DDX21: variants seen among roughly 807,000 people sequenced by gnomAD.
DDX21 encodes DExD-box helicase 21.
In DDX21, 18 loss-of-function variants were observed where a neutral mutation model predicts 90.0. The observed-to-expected ratio is 0.20, with a 90% CI of 0.14 to 0.30. DDX21 has a LOEUF of 0.30. DDX21 is among the 10% of genes least tolerant of loss of function. The pLI is 1.00. For missense variants in DDX21, 673 were observed against 944.5 expected (o/e 0.71, Z 3.77); for synonymous variants, 294 against 318.0 (o/e 0.92, Z 0.80).
chr10:68,961,523 G>GT (rs1310329283), intron 2 of DDX21, among the ~76,000 whole-genome samples: 1 of 152,100 alleles, frequency 6.6e-6, no homozygotes, highest in Non-Finnish European at 1.5e-5. Flanking sequence ...GTGCAATCTT[G>GT]TATCTTTTTT....
At chr10:68,972,138 T>A (rs1281296361) in intron 9 of DDX21, 86 bp downstream of exon 9, 1 of 1,453,980 alleles carries the variant, frequency 6.9e-7, no homozygotes, top group Non-Finnish European at 9.4e-7. Flanking sequence ...TACTTTCATG[T>A]CATTAGTATA....
At chr10:68,963,233 A>C (rs10998504) in intron 3 of DDX21, 58 bp from the exon 4 acceptor site, 83,226 of 1,515,396 alleles carry the variant, frequency 0.055, 2,770 homozygotes, top group African/African-American at 0.12. Flanking sequence ...TCAGTATGTC[A>C]GTATGGCTAA....
rs773772638 is a variant in DDX21 at position 68,962,120 on chromosome 10, T to G, written c.570T>G (p.Asn190Lys). The G allele has an allele frequency of 1.9e-6, 3 of 1,612,602 alleles. No homozygotes were observed. In the African/African-American group the frequency reaches 4.0e-5, roughly 22 times the overall value. The change falls in exon 3 of 15, where the codon AAT (asparagine) becomes AAG (lysine). Residue 190 changes from asparagine (N) to lysine (K), a missense_variant. Around this residue, in one of 4 missense-constraint regions of DDX21, gnomAD observed 204 missense variants for 221.6 expected, o/e 0.92. Transcript: ENST00000354185. ...AACAAAAAGAAGGCGCTTTCTCTAA[T>G]TTTCCCATATCTGAAGAAACTATTA... is the stretch of plus-strand genomic sequence containing the variant. The part of the protein sequence containing the change: ...PVEQKEGAFS[N>K]FPISEETIKL...
At chr10:68,974,988 T>A (rs968195145) in intron 11 of DDX21, among the ~76,000 whole-genome samples, 1 of 151,290 alleles carries the variant, frequency 6.6e-6, no homozygotes, top group Non-Finnish European at 1.5e-5. Context: ...ACTGATAACC[T>A]GTTTATCAAA....
intron 13 of DDX21, among the ~76,000 whole-genome samples, chr10:68,981,038 A>G (rs769215698): frequency 2.0e-5 from 3 of 152,192 alleles, no homozygotes; most frequent in Non-Finnish European, 2.9e-5. Flanking sequence ...CAGAAAATCA[A>G]CAATAGAAGA....
chr10:68,981,045 A>T (rs1280602872), intron 13 of DDX21, among the ~76,000 whole-genome samples: 1 of 152,192 alleles, frequency 6.6e-6, no homozygotes, highest in Non-Finnish European at 1.5e-5. Flanking sequence ...TCAACAATAG[A>T]AGATCACTTG....
chr10:68,960,747 G>A (rs1365410000), intron 2 of DDX21, among the ~76,000 whole-genome samples: 1 of 148,580 alleles, frequency 6.7e-6, no homozygotes, highest in Non-Finnish European at 1.5e-5. Context: ...ACAGGCATGA[G>A]CTACTGTTCC....
At chr10:68,967,324 C>T (rs1349565475) in intron 6 of DDX21, 121 bp downstream of exon 6, 4 of 929,738 alleles carry the variant, frequency 4.3e-6, no homozygotes, top group African/African-American at 1.7e-5. Context: ...CAGGCACCCA[C>T]CACCACGCCT....
At chr10:68,974,268 C>G (rs1159634551) in intron 10 of DDX21, among the ~76,000 whole-genome samples, 1 of 152,154 alleles carries the variant, frequency 6.6e-6, no homozygotes, top group Non-Finnish European at 1.5e-5. Context: ...ATTCCTCCCC[C>G]AAATATGTAA....
intron 1 of DDX21, among the ~76,000 whole-genome samples, chr10:68,959,279 A>G (rs1386499931): frequency 1.3e-5 from 2 of 152,088 alleles, no homozygotes; most frequent in East Asian, 3.9e-4. Flanking sequence ...GGGTTGCCTG[A>G]GCTCAGGAGT....
At chr10:68,980,586 G>T (rs1843171541) in intron 13 of DDX21, among the ~76,000 whole-genome samples, 1 of 152,176 alleles carries the variant, frequency 6.6e-6, no homozygotes. Flanking sequence ...TGGGGTGAAA[G>T]GGGTGTTCCT....
chr10:68,979,626 C>T (rs1327324368), intron 13 of DDX21, among the ~76,000 whole-genome samples: 1 of 152,168 alleles, frequency 6.6e-6, no homozygotes, highest in Non-Finnish European at 1.5e-5. Context: ...GAAAGGGCAA[C>T]ATTATTATGA....
intron 8 of DDX21, 23 bp from the exon 9 acceptor site, chr10:68,971,868 T>C (rs1843032321): frequency 6.2e-7 from 1 of 1,610,062 alleles, no homozygotes; most frequent in Non-Finnish European, 8.5e-7. Context: ...CTGGTGTTCT[T>C]ACATCCGTTT....
chr10:68,978,345 A>C (rs1046256122), intron 12 of DDX21, among the ~76,000 whole-genome samples: 2 of 152,160 alleles, frequency 1.3e-5, no homozygotes, highest in African/African-American at 4.8e-5. Context: ...CAAACAAAAA[A>C]AACACTGGAT....
chr10:68,973,422 C>T lies in DDX21; in HGVS notation c.1549-123C>T, dbSNP rs968414806. 4 of 1,213,480 alleles carry T rather than the reference C, an allele frequency of 3.3e-6. No homozygotes were observed. In the African/African-American group the frequency reaches 4.5e-5, roughly 14 times the overall value. 75.2% of individuals were successfully genotyped at this position (1,213,480 alleles called of 1,614,324 possible). On this transcript the variant is annotated intron_variant, in intron 9 of 14. Transcript: ENST00000354185. ...GTCTTTAAATTGAAGTGCTAAGGGACCTTCTCCCTCATGTCCCCAGGTTTA... is the reference window on the plus strand; with the variant it reads ...GTCTTTAAATTGAAGTGCTAAGGGATCTTCTCCCTCATGTCCCCAGGTTTA...
intron 6 of DDX21, among the ~76,000 whole-genome samples, chr10:68,967,677 T>G (rs1365941920): frequency 6.6e-6 from 1 of 152,152 alleles, no homozygotes; most frequent in Non-Finnish European, 1.5e-5. Flanking sequence ...CATCTTGATG[T>G]GGTCTGCTTT....
chr10:68,970,769 C>T (rs949392510), intron 8 of DDX21, among the ~76,000 whole-genome samples: 5 of 152,228 alleles, frequency 3.3e-5, no homozygotes, highest in African/African-American at 9.6e-5. Context: ...TCTCCTGCCT[C>T]AGCCTCCCAA....
Position 68,965,484 on chromosome 10 carries a change from T to C in DDX21, c.894T>C (p.Tyr298=). The change falls in exon 5 of 15, where the codon TAT becomes TAC. Residue 298 remains tyrosine, a synonymous_variant. Transcript: ENST00000354185. The stretch of plus-strand genomic sequence containing the variant: ...CTTGTTTTTATGGTGGAACTCCCTA[T>C]GGAGGTCAATGTGAGTACATTCAAA... ...SVACFYGGTP[Y]GGQFERMRNG... 4.3e-6 allele frequency: 7 copies of C among 1,611,966 alleles called. No homozygotes were observed. Among genetic ancestry groups the C allele is most frequent in the Non-Finnish European group, 5.9e-6 (7 of 1,178,550 alleles).
intron 11 of DDX21, among the ~76,000 whole-genome samples, chr10:68,976,510 A>G (rs1415753243): frequency 1.3e-5 from 2 of 152,112 alleles, no homozygotes; most frequent in Non-Finnish European, 2.9e-5. Flanking sequence ...GATGGTCTCA[A>G]TCTCCTGACC....
Sources: gnomAD v4.1 joint callset for allele counts (sites outside exome capture counted in the v4.1 genomes callset) on GRCh38, gnomAD v4.1.1 for gene constraint, gnomAD v4.1.1 regional missense constraint, MANE v1.5 for transcripts, NCBI Gene and HGNC (gene_info 2026-07-23, HGNC 2026-07-21) for gene names.